TRAK1: variants seen among roughly 807,000 people sequenced by gnomAD.
TRAK1 encodes the protein trafficking kinesin protein 1, also known as trafficking kinesin-binding protein 1.
A neutral mutation model predicts 92.1 loss-of-function variants in TRAK1; 33 were observed. That is an observed-to-expected ratio of 0.36 (90% CI 0.27 to 0.48). The LOEUF is 0.48. Among genes scored for constraint, TRAK1 ranks in the 20% least tolerant of loss-of-function variants. TRAK1 has a pLI of 0.99. For missense variants in TRAK1, 1,123 were observed against 1,257.9 expected (o/e 0.89, Z 1.62); for synonymous variants, 521 against 517.3 (o/e 1.01, Z -0.10).
At chr3:42,125,676 C>A (rs1710460149) in intron 2 of TRAK1, 62 bp downstream of exon 2, 21 of 1,562,078 alleles carry the variant, frequency 1.3e-5, no homozygotes, top group Non-Finnish European at 1.8e-5. Context: ...TTAGCCATGG[C>A]CCCAAATAAG....
intron 1 of TRAK1, among the ~76,000 whole-genome samples, chr3:42,034,676 C>T (rs919030201): frequency 6.6e-6 from 1 of 152,194 alleles, no homozygotes; most frequent in Admixed American, 6.5e-5. Flanking sequence ...CGCTGTACCT[C>T]ATGCTTGCCC....
rs767731467 is a variant in TRAK1 at position 42,193,099 on chromosome 3, G to A, written c.794G>A (p.Ser265Asn). ...GGGGATGCCAATGTCCAGATTGCTA[G>A]TATCTCAGAGGAACTGGCCAAGAAG... Reference protein sequence around the residue: ...ELRDANVQIASISEELAKKTE... With the variant: ...ELRDANVQIANISEELAKKTE... Residue 265 changes from serine to asparagine, a missense_variant, in exon 8 of 16, where the codon AGT (serine) becomes AAT (asparagine). Ser to Asn is a conservative substitution (Grantham distance 46, BLOSUM62 1). Coordinates refer to ENST00000327628, the MANE Select transcript of TRAK1 (RefSeq NM_001042646.3). 3.7e-6 allele frequency: 6 copies of A among 1,614,030 alleles called. No homozygotes were observed. Among genetic ancestry groups the A allele is most frequent in the Admixed American group, 1.7e-5 (1 of 59,998 alleles).
intron 2 of TRAK1, among the ~76,000 whole-genome samples, chr3:42,136,885 G>T (rs1286953806): frequency 6.6e-6 from 1 of 152,118 alleles, no homozygotes; most frequent in Non-Finnish European, 1.5e-5. Flanking sequence ...GTTTCACCCT[G>T]TTGGCCAGGC....
chr3:42,163,770 T>A (rs1412856096), intron 2 of TRAK1, among the ~76,000 whole-genome samples: 1 of 152,194 alleles, frequency 6.6e-6, no homozygotes, highest in Non-Finnish European at 1.5e-5. Flanking sequence ...GATTTTGCCT[T>A]GTATTTGTCA....
chr3:42,213,760 C>G (rs947458673), intron 14 of TRAK1, among the ~76,000 whole-genome samples: 2 of 152,162 alleles, frequency 1.3e-5, no homozygotes, highest in African/African-American at 4.8e-5. Flanking sequence ...CTGGTATGCT[C>G]GATTCACAGA....
chr3:42,069,357 C>T (rs965958257), intron 1 of TRAK1, among the ~76,000 whole-genome samples: 6 of 148,284 alleles, frequency 4.0e-5, no homozygotes, highest in African/African-American at 9.9e-5. Context: ...ATGGGTGGGT[C>T]GGATGGTGCA....
chr3:42,083,808 T>TGCGGTGA (rs912722451), upstream of TRAK1, among the ~76,000 whole-genome samples: 3 of 152,172 alleles, frequency 2.0e-5, no homozygotes, highest in African/African-American at 7.2e-5. Flanking sequence ...AGGTCAAGGC[T>TGCGGTGA]GCGGTGAGCT....
intron 6 of TRAK1, 64 bp downstream of exon 6, chr3:42,189,188 C>A: frequency 1.6e-6 from 2 of 1,254,158 alleles, no homozygotes; most frequent in Non-Finnish European, 1.2e-6. Context: ...CCTTATCTGG[C>A]AAGGACAACC....
At chr3:42,091,888 C>T (rs1705124787) in intron 1 of TRAK1, among the ~76,000 whole-genome samples, 1 of 152,120 alleles carries the variant, frequency 6.6e-6, no homozygotes, top group South Asian at 2.1e-4. Flanking sequence ...ACTCCCTTTC[C>T]CTTCACAGTT....
chr3:42,209,579 TTC>T (rs1378457437), intron 13 of TRAK1, among the ~76,000 whole-genome samples, 186 bp from the exon 14 acceptor site: 22 of 152,298 alleles, frequency 1.4e-4, no homozygotes, highest in African/African-American at 5.3e-4. Context: ...AGGGTTTGGC[TTC>T]TGTTTCATGG....
intron 1 of TRAK1, among the ~76,000 whole-genome samples, chr3:42,070,677 C>T (rs1044688768): frequency 6.6e-6 from 1 of 152,206 alleles, no homozygotes. Flanking sequence ...AATCCTCCTG[C>T]CTTGGTCTTC....
Position 42,218,940 on chromosome 3 carries a change from C to G in TRAK1, c.1964-554C>G, listed in dbSNP as rs1034484517. ...AGGCAGCTGAAGTCCCCATCTCCCA[C>G]CATAACAATCACAAATAGACAGTAG... On this transcript the variant is annotated intron_variant, in intron 14 of 15. Transcript: ENST00000327628. 10 of 985,348 alleles carry G rather than the reference C, an allele frequency of 1.0e-5. No individual in the cohort carries two copies. The African/African-American group carries it at 1.7e-4, about 17-fold the overall frequency. 61.0% of individuals were successfully genotyped at this position (985,348 alleles called of 1,614,324 possible).
Position 42,146,057 on chromosome 3 carries a change from T to G in TRAK1, c.286+20443T>G, listed in dbSNP as rs1458208049. 6.7e-6 allele frequency: 3 copies of G among 444,806 alleles called. No individual in the cohort carries two copies. In the East Asian group the frequency reaches 2.0e-4, roughly 30 times the overall value. The allele number at this position is 444,806 out of a possible 1,614,324, so 27.6% of individuals were successfully genotyped here. ...CTTCAGGAACTTTGCTAATTGGTTC[T>G]TCTGAGTAAGAAAGATTCTGCTCTG... On this transcript the variant is annotated intron_variant, in intron 2 of 15. Coordinates refer to ENST00000327628, the MANE Select transcript of TRAK1 (RefSeq NM_001042646.3).
intron 12 of TRAK1, among the ~76,000 whole-genome samples, chr3:42,201,342 C>G (rs1038727887): frequency 6.6e-6 from 1 of 152,150 alleles, no homozygotes; most frequent in Non-Finnish European, 1.5e-5. Context: ...CACCTGTAAT[C>G]TCAGCTACTC....
At chr3:42,123,658 C>T (rs1350578090) in intron 1 of TRAK1, among the ~76,000 whole-genome samples, 1 of 152,206 alleles carries the variant, frequency 6.6e-6, no homozygotes, top group East Asian at 1.9e-4. Flanking sequence ...TCCTCAGCAT[C>T]TCCTCTTTAT....
chr3:42,193,887 C>G lies in TRAK1; in HGVS notation c.964C>G (p.Leu322Val). ...GGCTGCTAAGGATGCCCAGCGGCAG[C>G]TCACAGCCGAGGTGAGCACCTCTCC... ...LGAAKDAQRQ[L>V]TAELRELEDK... Residue 322 changes from leucine to valine, a missense_variant, in exon 9 of 16, where the codon CTC becomes GTC. Transcript: ENST00000327628. 1 of 1,614,120 alleles carries G rather than the reference C, an allele frequency of 6.2e-7. No individual in the cohort carries two copies. The highest frequency in any genetic ancestry group is 1.3e-5 in the African/African-American group (1 of 75,074).
At position 42,223,021 on chromosome 3, in the gene TRAK1, C is replaced by T. The variant is rs1424095330; in HGVS notation, c.2146C>T (p.Arg716Trp). Residue 716 changes from arginine (R) to tryptophan (W), a missense_variant, in exon 16 of 16, where the codon CGG becomes TGG. Arg to Trp is a moderately radical substitution (Grantham distance 101). Transcript: ENST00000327628. The surrounding 1 kb of genome is among the most constrained non-coding windows in gnomAD (Gnocchi z 6.1). ...GCCGGTGGCCACACCATGCACTCCA[C>T]GGAGACTGAGCCTGGCTGAGTCCTT... ...STPVATPCTP[R>W]RLSLAESFTN... 7 of 1,614,132 alleles carry T rather than the reference C, an allele frequency of 4.3e-6. No individual in the cohort carries two copies. Among genetic ancestry groups the T allele is most frequent in the South Asian group, 3.3e-5 (3 of 91,088 alleles).
rs1408985861 is a variant in TRAK1 at position 42,193,852 on chromosome 3, A to G, written c.929A>G (p.Gln310Arg). The G allele has an allele frequency of 3.1e-6, 5 of 1,614,104 alleles. No individual in the cohort carries two copies. Among genetic ancestry groups the G allele is most frequent in the Non-Finnish European group, 4.2e-6 (5 of 1,180,042 alleles). The change falls in exon 9 of 16, where the codon CAG becomes CGG. Residue 310 changes from glutamine to arginine, a missense_variant. Around this residue, in one of 3 missense-constraint regions of TRAK1, gnomAD observed 686 missense variants for 747.6 expected, o/e 0.92. Coordinates refer to ENST00000327628, the MANE Select transcript of TRAK1 (RefSeq NM_001042646.3). Reference sequence around the variant, plus strand: ...GCAGTGGAAAATGAAGAACTTGTCCAGCATCTGGGGGCTGCTAAGGATGCC... The same window carrying G: ...GCAGTGGAAAATGAAGAACTTGTCCGGCATCTGGGGGCTGCTAAGGATGCC... ...ACAVENEELV[Q>R]HLGAAKDAQR...
At position 42,225,805 on chromosome 3, in the gene TRAK1, A is replaced by G. The variant is rs902874302; in HGVS notation, c.*2068A>G. 2 of 152,218 alleles carry G rather than the reference A, an allele frequency of 1.3e-5. No individual in the cohort carries two copies. Among genetic ancestry groups the G allele is most frequent in the Non-Finnish European group, 2.9e-5 (2 of 68,038 alleles). The allele number at this position is 152,218 out of a possible 1,614,324, so 9.4% of individuals were successfully genotyped here. On this transcript the variant is annotated 3_prime_UTR_variant, in exon 16 of 16. Coordinates refer to ENST00000327628, the MANE Select transcript of TRAK1 (RefSeq NM_001042646.3). ...GTATTCTGATTTGTATTTTGTTTTT[A>G]TCTTTTCATCAAGGAGACGATCTCT...
Sources: allele counts gnomAD v4.1 joint callset (sites outside exome capture counted in the v4.1 genomes callset), GRCh38; gene constraint gnomAD v4.1.1; regional missense constraint gnomAD v4.1.1; non-coding constraint Gnocchi (gnomAD v3.1); transcripts MANE v1.5; gene names NCBI Gene and HGNC (gene_info 2026-07-23, HGNC 2026-07-21).